Variants in KCNK1 observed in about 807,000 individuals in gnomAD.
KCNK1 encodes the protein potassium two pore domain channel subfamily K member 1.
A neutral mutation model predicts 22.2 loss-of-function variants in KCNK1; 10 were observed. The ratio of observed to expected loss-of-function variants is 0.45; its 90% CI spans 0.28 to 0.76. The LOEUF (loss-of-function observed/expected upper bound fraction) is 0.76. Among genes scored for constraint, KCNK1 ranks in the 30% least tolerant of loss-of-function variants. The probability of loss-of-function intolerance (pLI) is 0.14; values close to 1 mark genes in which losing one functional copy is unlikely to be tolerated. For synonymous variants in KCNK1, 200 were observed against 186.4 expected (o/e 1.07, Z -0.60); for missense variants, 378 against 421.0 (o/e 0.90, Z 0.89).
intron 1 of KCNK1, among the ~76,000 whole-genome samples, chr1:233,621,545 G>A (rs373078907): frequency 2.8e-4 from 43 of 152,252 alleles, no homozygotes; most frequent in African/African-American, 9.9e-4. Context: ...AGTAATCCAC[G>A]TCCTTGAATC....
At chr1:233,623,663 G>A (rs548908112) in intron 1 of KCNK1, among the ~76,000 whole-genome samples, 1 of 152,152 alleles carries the variant, frequency 6.6e-6, no homozygotes, top group African/African-American at 2.4e-5. Context: ...ATCTCAGATC[G>A]CTGCAACCTC....
At chr1:233,646,511 C>T (rs541397258) in intron 1 of KCNK1, among the ~76,000 whole-genome samples, 117 of 151,748 alleles carry the variant, frequency 7.7e-4, no homozygotes, top group African/African-American at 2.4e-3. Flanking sequence ...TCAAGGTGGC[C>T]GCAGTTTTGG....
intron 1 of KCNK1, among the ~76,000 whole-genome samples, chr1:233,627,335 A>C (rs1168218688): frequency 6.6e-6 from 1 of 152,250 alleles, no homozygotes. Context: ...AGGTTAAAAT[A>C]TGGTTGTAAC....
intron 1 of KCNK1, chr1:233,631,320 A>T (rs1440371095): frequency 1.9e-6 from 1 of 529,378 alleles, no homozygotes; most frequent in South Asian, 1.4e-5. Context: ...ATGTGTGTTT[A>T]ACTGTTGGGG....
chr1:233,647,735 G>A (rs1334174194), intron 1 of KCNK1, among the ~76,000 whole-genome samples: 2 of 152,142 alleles, frequency 1.3e-5, no homozygotes, highest in East Asian at 3.9e-4. Flanking sequence ...GTGTGGGTGA[G>A]CTCCTGTAGC....
chr1:233,645,595 C>T (rs554314545), intron 1 of KCNK1, among the ~76,000 whole-genome samples: 2 of 152,328 alleles, frequency 1.3e-5, no homozygotes, highest in South Asian at 4.1e-4. Context: ...CTTCGAGGCA[C>T]TGCTAATACC....
intron 1 of KCNK1, among the ~76,000 whole-genome samples, chr1:233,628,617 A>G (rs1657733589): frequency 6.6e-6 from 1 of 152,002 alleles, no homozygotes; most frequent in Non-Finnish European, 1.5e-5. Context: ...AAAATTAGCC[A>G]GGCGTGGTGG....
chr1:233,614,193 AGC>A lies in KCNK1; in HGVS notation c.23_24del (p.Ser8IlefsTer41), dbSNP rs1657438004. The A allele has an allele frequency of 6.2e-7, 1 of 1,606,426 alleles. No individual in the cohort carries two copies. Among genetic ancestry groups the A allele is most frequent in the African/African-American group, 1.3e-5 (1 of 74,806 alleles). MLQSLAGSSCVRLVERHR... is the reference protein window; with the variant it reads MLQSLAGXSCVRLVERHR... Reference sequence around the variant, plus strand: ...GAAGATGCTGCAGTCCCTGGCCGGCAGCTCGTGCGTGCGCCTGGTGGAGCGGC... The same window carrying A: ...GAAGATGCTGCAGTCCCTGGCCGGCATCGTGCGTGCGCCTGGTGGAGCGGC... On this transcript the variant is annotated frameshift_variant, in exon 1 of 3. Coordinates refer to ENST00000366621, the MANE Select transcript of KCNK1 (RefSeq NM_002245.4). LOFTEE classifies it high-confidence loss of function.
At chr1:233,659,805 A>G (rs1033082033) in intron 1 of KCNK1, among the ~76,000 whole-genome samples, 10 of 152,190 alleles carry the variant, frequency 6.6e-5, no homozygotes, top group African/African-American at 2.4e-4. Flanking sequence ...CATTGACTAC[A>G]CTGCCGGCAA....
chr1:233,657,220 A>G (rs1658313789), intron 1 of KCNK1, among the ~76,000 whole-genome samples: 2 of 152,144 alleles, frequency 1.3e-5, no homozygotes, highest in Admixed American at 1.3e-4. Context: ...CTGCTTTCTC[A>G]TCGCTTTTTG....
intron 1 of KCNK1, among the ~76,000 whole-genome samples, chr1:233,616,925 A>G (rs150404503): frequency 2.0e-5 from 3 of 152,266 alleles, no homozygotes; most frequent in African/African-American, 4.8e-5. Context: ...GAAGCAGACA[A>G]TTTTTTAGAG....
At chr1:233,658,379 G>A (rs969501515) in intron 1 of KCNK1, among the ~76,000 whole-genome samples, 2 of 152,144 alleles carry the variant, frequency 1.3e-5, no homozygotes, top group African/African-American at 4.8e-5. Flanking sequence ...TGGCCAAATT[G>A]CTTACTTTAA....
At position 233,671,483 on chromosome 1, in the gene KCNK1, G is replaced by A; in HGVS notation, c.964G>A (p.Val322Met). ...GGACCAGAAGCAAAATGAGCCTTTT[G>A]TGGCCACCCAGTCATCTGCCTGCGT... is the stretch of plus-strand genomic sequence containing the variant. ...KEDQKQNEPF[V>M]ATQSSACVDG... is the part of the protein sequence containing the mutation. Residue 322 changes from valine to methionine, a missense_variant, in exon 3 of 3, where the codon GTG (valine) becomes ATG (methionine). Transcript: ENST00000366621. 1.2e-6 allele frequency: 2 copies of A among 1,614,182 alleles called. No homozygotes were observed. The highest frequency in any genetic ancestry group is 1.7e-6 in the Non-Finnish European group (2 of 1,180,032).
chr1:233,641,392 T>C (rs56193608), intron 1 of KCNK1, among the ~76,000 whole-genome samples: 55,742 of 152,134 alleles, frequency 0.37, 11,008 homozygotes, highest in East Asian at 0.58. Context: ...GACTCAGTAA[T>C]CAAGCAGCTC....
At chr1:233,661,332 C>T (rs1658389563) in intron 1 of KCNK1, among the ~76,000 whole-genome samples, 1 of 152,154 alleles carries the variant, frequency 6.6e-6, no homozygotes, top group Non-Finnish European at 1.5e-5. Flanking sequence ...TTAATTTAGT[C>T]CCTCTCTCAG....
intron 1 of KCNK1, among the ~76,000 whole-genome samples, chr1:233,624,783 GC>G (rs1326976580): frequency 2.0e-5 from 3 of 152,092 alleles, no homozygotes; most frequent in African/African-American, 7.2e-5. Context: ...ACCACAAAAG[GC>G]CCTAAGTGAT....
At chr1:233,643,575 T>G (rs1470831256) in intron 1 of KCNK1, among the ~76,000 whole-genome samples, 1 of 152,158 alleles carries the variant, frequency 6.6e-6, no homozygotes, top group African/African-American at 2.4e-5. Flanking sequence ...TGTTTCCTAT[T>G]TACAGAAGTT....
At chr1:233,635,008 A>C (rs1488235889) in intron 1 of KCNK1, among the ~76,000 whole-genome samples, 1 of 152,208 alleles carries the variant, frequency 6.6e-6, no homozygotes, top group Non-Finnish European at 1.5e-5. Context: ...AAGAAAGAAG[A>C]GTGTTTACTT....
chr1:233,662,848 T>G (rs190503177), intron 1 of KCNK1, among the ~76,000 whole-genome samples: 1 of 152,308 alleles, frequency 6.6e-6, no homozygotes, highest in African/African-American at 2.4e-5. Flanking sequence ...TTCAATCTTT[T>G]GGTTCCAAAA....
Sources: gnomAD v4.1 joint callset for allele counts (sites outside exome capture counted in the v4.1 genomes callset) on GRCh38, gnomAD v4.1.1 for gene constraint, MANE v1.5 for transcripts, NCBI Gene and HGNC (gene_info 2026-07-23, HGNC 2026-07-21) for gene names.